TMEM163: variants seen among roughly 807,000 people sequenced by gnomAD.
TMEM163 encodes the protein transmembrane protein 163.
Under a neutral mutation model 29.3 loss-of-function variants are expected in TMEM163, and 17 were observed. The ratio of observed to expected loss-of-function variants is 0.58; its 90% CI spans 0.40 to 0.87. The LOEUF (loss-of-function observed/expected upper bound fraction) is 0.87, where lower values mean the gene tolerates loss of function less well. Among genes scored for constraint, TMEM163 ranks in the 40% least tolerant of loss-of-function variants. The pLI is 0.00. For missense variants in TMEM163, 303 were observed against 381.5 expected, an observed-to-expected ratio of 0.79 and a Z score of 1.71; for synonymous variants, 157 against 160.6, an observed-to-expected ratio of 0.98 and a Z score of 0.17.
intron 5 of TMEM163, among the ~76,000 whole-genome samples, chr2:134,489,067 A>G (rs1679373474): frequency 6.6e-6 from 1 of 152,200 alleles, no homozygotes; most frequent in Non-Finnish European, 1.5e-5. Context: ...TCTACGATCC[A>G]AAATCCATGT....
chr2:134,479,995 G>T (rs1297217867), intron 5 of TMEM163, among the ~76,000 whole-genome samples: 2 of 152,204 alleles, frequency 1.3e-5, no homozygotes, highest in Non-Finnish European at 2.9e-5. Flanking sequence ...GGAGACCTTG[G>T]TCAGCCAGAC....
At chr2:134,535,786 C>CG (rs1181466568) in intron 4 of TMEM163, among the ~76,000 whole-genome samples, 1 of 151,158 alleles carries the variant, frequency 6.6e-6, no homozygotes, top group Non-Finnish European at 1.5e-5. Flanking sequence ...TGCAATGGCA[C>CG]GATCTAGGCT....
rs971078189 is a variant in TMEM163, at chr2:134,713,488, C to T, written c.203-169G>A. ...AATTAGATTTCACATGAAAATCAAG[C>T]TTTCTGGCACCCCTTGAAAAATCAC... is the stretch of plus-strand genomic sequence containing the variant. On this transcript the variant is annotated intron_variant, in intron 1 of 7. Coordinates refer to ENST00000281924, the MANE Select transcript of TMEM163 (RefSeq NM_030923.5). 4 of 954,328 alleles carry T rather than the reference C, an allele frequency of 4.2e-6. No individual in the cohort carries two copies. In the African/African-American group the frequency reaches 6.4e-5, roughly 15 times the overall value. The allele number at this position is 954,328 out of a possible 1,614,324, so 59.1% of individuals were successfully genotyped here.
At chr2:134,672,706 A>G (rs962860016) in intron 2 of TMEM163, among the ~76,000 whole-genome samples, 40 of 151,920 alleles carry the variant, frequency 2.6e-4, no homozygotes, top group African/African-American at 9.7e-4. Context: ...CTCCCTCCCA[A>G]CCCACAATAA....
chr2:134,477,590 G>C (rs1686946826), intron 5 of TMEM163, among the ~76,000 whole-genome samples: 1 of 152,248 alleles, frequency 6.6e-6, no homozygotes, highest in Non-Finnish European at 1.5e-5. Flanking sequence ...ATAGGCTGAA[G>C]TGTTTTACAA....
chr2:134,501,605 G>A (rs1167252954), intron 5 of TMEM163, among the ~76,000 whole-genome samples: 1 of 152,168 alleles, frequency 6.6e-6, no homozygotes, highest in African/African-American at 2.4e-5. Context: ...ATCACACTTG[G>A]TGCCCTCATA....
At chr2:134,580,300 C>T (rs1681663346) in intron 2 of TMEM163, among the ~76,000 whole-genome samples, 2 of 152,160 alleles carry the variant, frequency 1.3e-5, no homozygotes, top group Admixed American at 1.3e-4. Context: ...TCACAGCCAT[C>T]AATTTAAGAG....
chr2:134,470,201 C>CA (rs1686766555), intron 5 of TMEM163, among the ~76,000 whole-genome samples: 2 of 151,456 alleles, frequency 1.3e-5, no homozygotes, highest in South Asian at 2.1e-4. Flanking sequence ...ACTAAAAATA[C>CA]AAAAAATTAG....
At chr2:134,682,369 C>T (rs55919120) in intron 2 of TMEM163, among the ~76,000 whole-genome samples, 5 of 152,210 alleles carry the variant, frequency 3.3e-5, no homozygotes, top group African/African-American at 7.2e-5. Flanking sequence ...ACAGGTCATG[C>T]TCAGCTTATT....
intron 2 of TMEM163, among the ~76,000 whole-genome samples, chr2:134,665,206 G>C (rs1251175699): frequency 6.6e-6 from 1 of 152,138 alleles, no homozygotes; most frequent in Non-Finnish European, 1.5e-5. Context: ...GACATACCCA[G>C]GACTGGGTAA....
intron 2 of TMEM163, among the ~76,000 whole-genome samples, chr2:134,606,555 C>T (rs373344789): frequency 1.3e-5 from 2 of 152,298 alleles, no homozygotes; most frequent in East Asian, 1.9e-4. Context: ...TGCCTCTACC[C>T]GCCTCCATCC....
At chr2:134,540,649 G>A (rs911102137) in intron 4 of TMEM163, among the ~76,000 whole-genome samples, 1 of 152,192 alleles carries the variant, frequency 6.6e-6, no homozygotes, top group African/African-American at 2.4e-5. Flanking sequence ...GAGCAAGCAA[G>A]GCCCCTGTTT....
At chr2:134,533,740 T>C (rs1318799863) in intron 4 of TMEM163, among the ~76,000 whole-genome samples, 1 of 152,064 alleles carries the variant, frequency 6.6e-6, no homozygotes, top group Non-Finnish European at 1.5e-5. Context: ...TAATCAAAAC[T>C]TCCTCCCCAG....
intron 2 of TMEM163, among the ~76,000 whole-genome samples, chr2:134,553,559 G>A (rs1209006567): frequency 5.3e-5 from 8 of 152,238 alleles, no homozygotes; most frequent in African/African-American, 1.9e-4. Context: ...CAGCGCTGGG[G>A]AGAGTGAACC....
intron 4 of TMEM163, among the ~76,000 whole-genome samples, chr2:134,544,076 C>T (rs182883777): frequency 1.4e-4 from 21 of 152,302 alleles, no homozygotes; most frequent in African/African-American, 5.1e-4. Context: ...ACCCTCCACA[C>T]AGCCCCACCT....
At chr2:134,521,435 C>T (rs757693772) in intron 4 of TMEM163, among the ~76,000 whole-genome samples, 41 of 152,176 alleles carry the variant, frequency 2.7e-4, no homozygotes, top group Non-Finnish European at 5.3e-4. Flanking sequence ...GGCAAGGGTG[C>T]TACTGGCCTC....
At chr2:134,550,732 A>C (rs1365219061) in intron 3 of TMEM163, 71 bp from the exon 4 acceptor site, 1 of 1,418,332 alleles carries the variant, frequency 7.1e-7, no homozygotes, top group African/African-American at 1.4e-5. Context: ...ACACAGGACA[A>C]CTGTGCTGTG....
At chr2:134,505,962 C>T (rs1205999538) in intron 4 of TMEM163, among the ~76,000 whole-genome samples, 1 of 152,144 alleles carries the variant, frequency 6.6e-6, no homozygotes, top group Non-Finnish European at 1.5e-5. Context: ...TCATCCCTGA[C>T]TGATCGTAAG....
intron 2 of TMEM163, among the ~76,000 whole-genome samples, chr2:134,644,965 G>T (rs1360226430): frequency 1.3e-5 from 2 of 152,074 alleles, no homozygotes; most frequent in Non-Finnish European, 2.9e-5. Flanking sequence ...GCCTTGAAAA[G>T]CCACATTACT....
Sources: gnomAD v4.1 joint callset for allele counts (sites outside exome capture counted in the v4.1 genomes callset) on GRCh38, gnomAD v4.1.1 for gene constraint, MANE v1.5 for transcripts, NCBI Gene and HGNC (gene_info 2026-07-23, HGNC 2026-07-21) for gene names.